The following EDA variants were observed in gnomAD, a reference collection of about 807,000 sequenced individuals.
The protein encoded by EDA is ectodysplasin-A.
EDA carries 2 observed loss-of-function variants against 23.6 expected under a neutral mutation model. That is an observed-to-expected ratio of 0.08 (90% CI 0.03 to 0.27). EDA has a LOEUF of 0.27. Ranked by LOEUF, EDA falls within the 10% of genes least tolerant of loss-of-function variation. The pLI, the probability that EDA is intolerant of heterozygous loss-of-function variation, is 1.00. For synonymous variants in EDA, 131 were observed against 132.0 expected, an observed-to-expected ratio of 0.99 and a Z score of 0.05; for missense variants, 229 against 324.2, an observed-to-expected ratio of 0.71 and a Z score of 2.26.
intron 1 of EDA, chrX:69,937,100 AC>A: frequency 1.3e-6 from 1 of 773,121 alleles, no homozygotes. Context: ...CAGAGATAAA[AC>A]CTATATACAA....
At chrX:69,974,700 A>G (rs1416240065) in intron 2 of EDA, among the ~76,000 whole-genome samples, 3 of 111,629 alleles carry the variant, frequency 2.7e-5, no homozygotes, top group African/African-American at 6.5e-5. Context: ...GTTTGTCTTT[A>G]TTACAGGTCC....
chrX:69,621,998 A>G (rs1023305324), intron 1 of EDA, among the ~76,000 whole-genome samples: 4 of 111,293 alleles, frequency 3.6e-5, no homozygotes, highest in Admixed American at 9.5e-5. Flanking sequence ...GCCTGAAGCA[A>G]TACTCCCACC....
chrX:69,846,359 A>G (rs997249171), intron 1 of EDA, among the ~76,000 whole-genome samples: 3 of 110,964 alleles, frequency 2.7e-5, no homozygotes, highest in Non-Finnish European at 5.7e-5. Flanking sequence ...CAGTGGCACC[A>G]TCTCGGCTCA....
chrX:69,865,870 ACGAAGTCAGT>A (rs1219993097), intron 1 of EDA, among the ~76,000 whole-genome samples: 4 of 112,763 alleles, frequency 3.5e-5, no homozygotes, highest in African/African-American at 1.3e-4. Flanking sequence ...AAATGCTGAT[ACGAAGTCAGT>A]AAGTCTTACG....
At chrX:69,723,376 G>GT (rs1224121994) in intron 1 of EDA, among the ~76,000 whole-genome samples, 1 of 112,162 alleles carries the variant, frequency 8.9e-6, no homozygotes, top group Non-Finnish European at 1.9e-5. Context: ...ATTTCTTGCT[G>GT]TATTTTAAAA....
intron 1 of EDA, among the ~76,000 whole-genome samples, chrX:69,845,236 T>C (rs1017315492): frequency 8.9e-6 from 1 of 112,668 alleles, no homozygotes; most frequent in Admixed American, 9.4e-5. Flanking sequence ...ACCTTTCACA[T>C]CTAGTTTTGT....
intron 1 of EDA, among the ~76,000 whole-genome samples, chrX:69,755,173 T>G (rs902428237): frequency 8.9e-6 from 1 of 111,941 alleles, no homozygotes; most frequent in African/African-American, 3.3e-5. Flanking sequence ...CTGCTCTGGT[T>G]TCTCCCCGTC....
At chrX:69,727,908 G>T (rs1326322684) in intron 1 of EDA, among the ~76,000 whole-genome samples, 1 of 111,196 alleles carries the variant, frequency 9.0e-6, no homozygotes, top group Non-Finnish European at 1.9e-5. Context: ...AATATTTTTT[G>T]ATGTACTATG....
intron 1 of EDA, chrX:69,860,929 C>G: frequency 1.9e-6 from 1 of 522,595 alleles, no homozygotes. Flanking sequence ...TAAAAGCACA[C>G]GAGTCGTCTC....
At chrX:69,828,539 A>G (rs1374955491) in intron 1 of EDA, among the ~76,000 whole-genome samples, 1 of 112,009 alleles carries the variant, frequency 8.9e-6, no homozygotes, top group Non-Finnish European at 1.9e-5. Flanking sequence ...AAGTGAGGCA[A>G]TGCCTCCCCT....
At chrX:69,691,427 C>T (rs1381382804) in intron 1 of EDA, among the ~76,000 whole-genome samples, 1 of 111,682 alleles carries the variant, frequency 9.0e-6, no homozygotes, top group African/African-American at 3.2e-5. Flanking sequence ...AAAATGACTT[C>T]TCTTTTAAAG....
chrX:69,674,136 T>TATC (rs1212161527), intron 1 of EDA, among the ~76,000 whole-genome samples: 2 of 111,108 alleles, frequency 1.8e-5, no homozygotes, highest in African/African-American at 6.6e-5. Flanking sequence ...TCTATCTATC[T>TATC]ATCTATCTAT....
intron 1 of EDA, among the ~76,000 whole-genome samples, chrX:69,767,150 T>C (rs2014494273): frequency 1.8e-5 from 2 of 111,800 alleles, no homozygotes; most frequent in Admixed American, 9.5e-5. Context: ...CTAGAAATCC[T>C]TAAAAGTAGT....
At chrX:69,958,381 G>A (rs749646813) in intron 2 of EDA, among the ~76,000 whole-genome samples, 6 of 111,051 alleles carry the variant, frequency 5.4e-5, no homozygotes, top group Non-Finnish European at 7.5e-5. Context: ...TGTGAGTAAG[G>A]GCCACTGATG....
At chrX:69,989,858 C>G (rs991430599) in intron 2 of EDA, among the ~76,000 whole-genome samples, 3 of 104,838 alleles carry the variant, frequency 2.9e-5, no homozygotes, top group South Asian at 4.3e-4. Context: ...TCAGGGAACC[C>G]GTGGGACAAT....
intron 1 of EDA, among the ~76,000 whole-genome samples, chrX:69,872,041 G>A (rs1355590312): frequency 8.9e-6 from 1 of 112,019 alleles, no homozygotes; most frequent in Non-Finnish European, 1.9e-5. Flanking sequence ...CAGATTAACA[G>A]CAGATGTCTC....
At chrX:69,729,183 G>A (rs372316550) in intron 1 of EDA, 1 of 111,029 alleles carries the variant, frequency 9.0e-6, no homozygotes, top group African/African-American at 3.3e-5. Flanking sequence ...AAAGCAGTAA[G>A]TAGTGAAACT....
chrX:69,661,188 G>A (rs1444480798), intron 1 of EDA, among the ~76,000 whole-genome samples: 4 of 107,424 alleles, frequency 3.7e-5, no homozygotes, highest in Non-Finnish European at 7.7e-5. Flanking sequence ...CTTTTTGATG[G>A]GGTTGTTTGA....
At chrX:69,755,415 T>C (rs2014076904) in intron 1 of EDA, among the ~76,000 whole-genome samples, 1 of 111,549 alleles carries the variant, frequency 9.0e-6, no homozygotes, top group African/African-American at 3.3e-5. Context: ...GCCTGATCCT[T>C]CCTCTGGAAG....
Sources: gnomAD v4.1 joint callset for allele counts (sites outside exome capture counted in the v4.1 genomes callset) on GRCh38, gnomAD v4.1.1 for gene constraint, MANE v1.5 for transcripts, NCBI Gene and HGNC (gene_info 2026-07-23, HGNC 2026-07-21) for gene names.